BCOR: variants seen among roughly 807,000 people sequenced by gnomAD.
BCOR encodes BCL-6 corepressor.
A neutral mutation model predicts 86.7 loss-of-function variants in BCOR; 10 were observed. The observed-to-expected ratio is 0.12, with a 90% CI of 0.07 to 0.20. The LOEUF (loss-of-function observed/expected upper bound fraction) is 0.20, where lower values mean the gene tolerates loss of function less well. Ranked by LOEUF, BCOR falls within the 10% of genes least tolerant of loss-of-function variation. BCOR has a pLI of 1.00. For missense variants in BCOR, 1,259 were observed against 1,452.1 expected (o/e 0.87, Z 2.16); for synonymous variants, 611 against 609.0 (o/e 1.00, Z -0.05).
At chrX:40,115,739 T>C (rs976907870) in intron 1 of BCOR, among the ~76,000 whole-genome samples, 1 of 101,318 alleles carries the variant, frequency 9.9e-6, no homozygotes, top group Non-Finnish European at 2.0e-5. Context: ...ATCGCACCAC[T>C]GCACTCCAGC....
At chrX:40,085,237 T>G (rs1190148748) in intron 1 of BCOR, among the ~76,000 whole-genome samples, 3 of 112,476 alleles carry the variant, frequency 2.7e-5, no homozygotes, top group Admixed American at 1.9e-4. Context: ...TTTTCTCTAA[T>G]TTGCATTTGC....
At chrX:40,168,422 G>A (rs1242056144) in intron 1 of BCOR, among the ~76,000 whole-genome samples, 1 of 112,762 alleles carries the variant, frequency 8.9e-6, no homozygotes, top group Non-Finnish European at 1.9e-5. Flanking sequence ...AATTGGCGGC[G>A]GCAAACACCC....
At chrX:40,058,559 A>T (rs1254779798) in intron 10 of BCOR, among the ~76,000 whole-genome samples, 1 of 112,139 alleles carries the variant, frequency 8.9e-6, no homozygotes, top group Non-Finnish European at 1.9e-5. Flanking sequence ...AAATTCTTTT[A>T]TGCCCTTTCT....
intron 1 of BCOR, among the ~76,000 whole-genome samples, chrX:40,170,208 A>T (rs889188218): frequency 8.9e-6 from 1 of 112,211 alleles, no homozygotes; most frequent in South Asian, 3.7e-4. Context: ...TGCACCTAGC[A>T]GACCAAGCCT....
At chrX:40,080,646 C>A (rs1238066565) in intron 1 of BCOR, among the ~76,000 whole-genome samples, 3 of 111,306 alleles carry the variant, frequency 2.7e-5, no homozygotes, top group Non-Finnish European at 5.7e-5. Flanking sequence ...GGTTTACAGG[C>A]ACCTGGGCCT....
rs1039128826 is a variant in BCOR at position 40,053,997 on chromosome X, C to T, written c.4865G>A (p.Gly1622Glu). 8.3e-7 allele frequency: 1 copy of T among 1,209,707 alleles called. No individual in the cohort carries two copies. The highest frequency in any genetic ancestry group is 1.7e-5 in the African/African-American group (1 of 57,149). The part of the protein sequence containing the change: ...SGYDVLANPP[G>E]PEDQDDDDDA... The stretch of plus-strand genomic sequence containing the variant: ...GTCATCATCATCCTGGTCTTCTGGT[C>T]CTGGGGGGTTGGCTAAAACATCATA... Residue 1622 changes from glycine (G) to glutamate (E), a missense_variant, in exon 14 of 15, where the codon GGA becomes GAA. Physicochemically the swap from Gly to Glu is moderately conservative, Grantham distance 98. Transcript: ENST00000378444.
chrX:40,137,019 CA>C (rs1251646601), intron 1 of BCOR, among the ~76,000 whole-genome samples: 1 of 111,840 alleles, frequency 8.9e-6, no homozygotes. Context: ...GATACCGTAT[CA>C]GGGGCTGTCC....
rs59581764 is a variant in BCOR, at chrX:40,137,364, T to C, written c.-41+39643A>G. 2.5e-4 allele frequency among the ~76,000 whole-genome samples: 27 copies of C among 109,845 alleles called. 1 individual carries two copies. The East Asian group carries it at 4.6e-3, about 19-fold the overall frequency. ...GAGTTCGAGACCAGCCTGGCCAACA[T>C]GGTGAAACCCCGTCTCTACTAAAAA... On this transcript the variant is annotated intron_variant, in intron 1 of 14. Coordinates refer to the BCOR transcript ENST00000342274.
At chrX:40,109,603 G>T (rs898313556) in intron 1 of BCOR, among the ~76,000 whole-genome samples, 1 of 111,126 alleles carries the variant, frequency 9.0e-6, no homozygotes, top group African/African-American at 3.3e-5. Context: ...CACCCTCCGG[G>T]GCCCGGACGG....
At chrX:40,114,094 C>T (rs755133905) in intron 1 of BCOR, among the ~76,000 whole-genome samples, 2 of 112,223 alleles carry the variant, frequency 1.8e-5, no homozygotes, top group East Asian at 5.6e-4. Context: ...GCGTGAGCCA[C>T]TGTAGCCAGC....
intron 1 of BCOR, among the ~76,000 whole-genome samples, chrX:40,080,505 G>A (rs1410210535): frequency 9.0e-6 from 1 of 111,145 alleles, no homozygotes; most frequent in Non-Finnish European, 1.9e-5. Context: ...TTGTGCAAAG[G>A]ACCTCCCGGC....
rs772848939 is a variant in BCOR, at chrX:40,055,967, G to A, written c.4596-454C>T. On this transcript the variant is annotated intron_variant, in intron 11 of 14. Transcript: ENST00000378444. ...CCTCCTCATAGCTGGGACTATAGGC[G>A]CATGCCACCACACCTGGCTAATTTT... 6.4e-5 allele frequency among the ~76,000 whole-genome samples: 7 copies of A among 109,160 alleles called. No individual in the cohort carries two copies. The Admixed American group carries it at 6.9e-4, about 11-fold the overall frequency. 94.8% of individuals were successfully genotyped at this position (109,160 alleles called of 115,157 possible).
At chrX:40,053,749 A>T in intron 14 of BCOR, 137 bp downstream of exon 14, 1 of 695,947 alleles carries the variant, frequency 1.4e-6, no homozygotes. Flanking sequence ...GAAAATATCT[A>T]CTGCATTGTG....
intron 1 of BCOR, among the ~76,000 whole-genome samples, chrX:40,152,115 G>T (rs898145003): frequency 4.5e-4 from 50 of 111,101 alleles, no homozygotes; most frequent in Non-Finnish European, 8.7e-4. Context: ...GGGTTGGTGG[G>T]GTTGCAGGGG....
chrX:40,064,584 C>T lies in BCOR; in HGVS notation c.3254G>A (p.Gly1085Glu). Reference protein sequence around the residue: ...NESERCEYSVGNKHRDPFEAP... With the variant: ...NESERCEYSVENKHRDPFEAP... The stretch of plus-strand genomic sequence containing the variant: ...TTCAAAGGGATCACGGTGCTTGTTT[C>T]CAACACTATACTCGCCTGGGGGAGG... The change falls in exon 7 of 15, where the codon GGA (glycine) becomes GAA (glutamate). Residue 1085 changes from glycine to glutamate, a missense_variant. By Grantham distance (98) the Gly-to-Glu change is moderately conservative. This residue lies in a region of BCOR where 305 missense variants were observed against 286.1 expected (regional missense o/e 1.07). Transcript: ENST00000378444. The T allele has an allele frequency of 1.7e-6, 2 of 1,211,911 alleles. No individual in the cohort carries two copies. The highest frequency in any genetic ancestry group is 2.2e-6 in the Non-Finnish European group (2 of 895,462).
chrX:40,055,231 T>G, intron 12 of BCOR, 137 bp downstream of exon 12: 1 of 622,778 alleles, frequency 1.6e-6, no homozygotes, highest in East Asian at 3.5e-5. Context: ...CACACAAAAG[T>G]TCAAACACTC....
intron 1 of BCOR, among the ~76,000 whole-genome samples, chrX:40,145,769 C>G (rs1300242186): frequency 1.8e-5 from 2 of 111,740 alleles, no homozygotes; most frequent in African/African-American, 6.5e-5. Flanking sequence ...CACCCAAACT[C>G]AGGGGGCTCC....
chrX:40,139,087 T>A (rs1937753586), intron 1 of BCOR, among the ~76,000 whole-genome samples: 1 of 107,106 alleles, frequency 9.3e-6, no homozygotes, highest in Non-Finnish European at 1.9e-5. Context: ...CTTTAGGAAA[T>A]GCCCACTATG....
intron 1 of BCOR, among the ~76,000 whole-genome samples, chrX:40,111,139 A>G (rs1203611961): frequency 9.0e-6 from 1 of 111,643 alleles, no homozygotes; most frequent in East Asian, 2.8e-4. Flanking sequence ...AGCACCCAAC[A>G]TAGGATCTCA....
Sources: gnomAD v4.1 joint callset for allele counts (sites outside exome capture counted in the v4.1 genomes callset) on GRCh38, gnomAD v4.1.1 for gene constraint, gnomAD v4.1.1 regional missense constraint, MANE v1.5 for transcripts, NCBI Gene and HGNC (gene_info 2026-07-23, HGNC 2026-07-21) for gene names.